Variants in SGK3 observed in about 807,000 individuals in gnomAD.
SGK3 encodes serine/threonine-protein kinase Sgk3.
In SGK3, 47 loss-of-function variants were observed where a neutral mutation model predicts 68.5. The observed-to-expected ratio is 0.69, with a 90% CI of 0.54 to 0.87. SGK3 has a LOEUF of 0.87. Ranked by LOEUF, SGK3 falls within the 40% of genes least tolerant of loss-of-function variation. The pLI is 0.00. For synonymous variants in SGK3, 181 were observed against 189.1 expected (o/e 0.96, Z 0.35); for missense variants, 479 against 575.5 (o/e 0.83, Z 1.72).
intron 14 of SGK3, 69 bp downstream of exon 14, chr8:66,843,616 C>T: frequency 6.7e-7 from 1 of 1,482,340 alleles, no homozygotes; most frequent in South Asian, 1.2e-5. Flanking sequence ...GTCTCTCCCA[C>T]CTTAAGAATC....
In SGK3 at chr8:66,857,789, GTGTGTGTGTA is replaced by G. The variant is rs1239713529; in HGVS notation, c.1321-1612_1321-1603del. Among the ~76,000 whole-genome samples, 562 of 110,516 alleles carry G rather than the reference GTGTGTGTGTA, an allele frequency of 5.1e-3. 1 individual carries two copies. Among genetic ancestry groups the G allele is most frequent in the African/African-American group, 0.012 (338 of 28,412 alleles). The allele number at this position is 110,516 out of a possible 152,430, so 72.5% of individuals were successfully genotyped here. A position where few individuals can be genotyped will look rare whatever the true frequency, so the allele number is the denominator to read the frequency against. On this transcript the variant is annotated intron_variant, in intron 16 of 16. Coordinates refer to ENST00000521198, the MANE Select transcript of SGK3 (RefSeq NM_001033578.3). ...CAGGATGAGACCCTGTCTCAAAAAA[GTGTGTGTGTA>G]TGTGTGTGTGTGTGTGTGTGTGTGT... is the stretch of plus-strand genomic sequence containing the variant.
chr8:66,803,218 C>A (rs781310200), intron 3 of SGK3, among the ~76,000 whole-genome samples: 5 of 152,100 alleles, frequency 3.3e-5, no homozygotes, highest in Non-Finnish European at 5.9e-5. Flanking sequence ...ACGTATTTTT[C>A]AGTCTGCATT....
chr8:66,813,566 A>C (rs1585754734), intron 4 of SGK3, among the ~76,000 whole-genome samples: 1 of 151,692 alleles, frequency 6.6e-6, no homozygotes, highest in East Asian at 1.9e-4. Flanking sequence ...TAATTAGTCT[A>C]TTTAGAGTCC....
At chr8:66,753,985 T>C (rs1191602738) in intron 1 of SGK3, among the ~76,000 whole-genome samples, 1 of 152,188 alleles carries the variant, frequency 6.6e-6, no homozygotes, top group Non-Finnish European at 1.5e-5. Context: ...TAAATGCCCT[T>C]ATGACCTCTG....
chr8:66,800,624 C>T (rs1585735730), intron 3 of SGK3, among the ~76,000 whole-genome samples: 2 of 152,078 alleles, frequency 1.3e-5, no homozygotes, highest in East Asian at 3.8e-4. Context: ...AGCTGTACCA[C>T]TTCCTGTGTT....
intron 1 of SGK3, among the ~76,000 whole-genome samples, chr8:66,786,417 A>G (rs191342285): frequency 2.0e-5 from 3 of 152,346 alleles, no homozygotes; most frequent in Non-Finnish European, 4.4e-5. Flanking sequence ...AGGAGCAACC[A>G]GATTGGCACA....
intron 1 of SGK3, among the ~76,000 whole-genome samples, chr8:66,720,987 G>T (rs16933034): frequency 0.14 from 20,739 of 151,860 alleles, 2,778 homozygotes; most frequent in African/African-American, 0.35. Flanking sequence ...CAGTTGAACT[G>T]GAGATGTTTT....
At chr8:66,849,258 T>C (rs1344757473) in intron 15 of SGK3, among the ~76,000 whole-genome samples, 3 of 152,164 alleles carry the variant, frequency 2.0e-5, no homozygotes, top group East Asian at 1.9e-4. Context: ...ACATCACCAC[T>C]TGGAGTTCCT....
Position 66,830,208 on chromosome 8 carries a change from G to T in SGK3, c.468-1046G>T, listed in dbSNP as rs143879454. On this transcript the variant is annotated intron_variant, in intron 7 of 16. Coordinates refer to ENST00000521198, the MANE Select transcript of SGK3 (RefSeq NM_001033578.3). ...GTTCATCTCCAGCAGTTAACAGTGA[G>T]GCTTGGAGTATGGCCTCAGCTCGCC... 5.6e-4 allele frequency among the ~76,000 whole-genome samples: 86 copies of T among 152,304 alleles called. 1 individual carries two copies. In the East Asian group the frequency reaches 0.016, roughly 28 times the overall value.
chr8:66,804,072 C>T (rs1808058434), intron 3 of SGK3, among the ~76,000 whole-genome samples: 1 of 152,134 alleles, frequency 6.6e-6, no homozygotes, highest in Non-Finnish European at 1.5e-5. Flanking sequence ...CTTTAAAACT[C>T]ACAGCAAATC....
At chr8:66,745,439 T>C (rs963001207) in intron 1 of SGK3, among the ~76,000 whole-genome samples, 5 of 151,964 alleles carry the variant, frequency 3.3e-5, no homozygotes, top group African/African-American at 1.2e-4. Flanking sequence ...CCAGGTGTGG[T>C]GGCGGGCGCC....
chr8:66,810,165 T>G (rs976403647), intron 4 of SGK3, among the ~76,000 whole-genome samples: 3 of 152,062 alleles, frequency 2.0e-5, no homozygotes, highest in African/African-American at 7.2e-5. Context: ...TTTCATGGCT[T>G]TACTGTTTTT....
At chr8:66,843,324 C>G in intron 13 of SGK3, 128 bp from the exon 14 acceptor site, 1 of 795,940 alleles carries the variant, frequency 1.3e-6, no homozygotes, top group Non-Finnish European at 2.0e-6. Context: ...ATCCAACCCA[C>G]TGGAAATCTA....
At chr8:66,853,206 C>T (rs536935821) in intron 16 of SGK3, among the ~76,000 whole-genome samples, 3 of 152,112 alleles carry the variant, frequency 2.0e-5, no homozygotes, top group Admixed American at 2.0e-4. Flanking sequence ...TTAGAAAACA[C>T]AAGTAGAACA....
intron 14 of SGK3, among the ~76,000 whole-genome samples, 179 bp from the exon 15 acceptor site, chr8:66,847,014 G>A (rs1810054610): frequency 6.6e-6 from 1 of 152,180 alleles, no homozygotes; most frequent in South Asian, 2.1e-4. Flanking sequence ...ATTAAGCTCT[G>A]TGATGTGTTC....
At chr8:66,736,167 G>A (rs1394798764) in intron 1 of SGK3, among the ~76,000 whole-genome samples, 2 of 152,148 alleles carry the variant, frequency 1.3e-5, no homozygotes, top group East Asian at 3.8e-4. Flanking sequence ...AATAGGCATA[G>A]TAATGTGACA....
Position 66,760,342 on chromosome 8 carries a change from T to C in SGK3, c.-121-33274T>C, listed in dbSNP as rs930582605. Among the ~76,000 whole-genome samples, 53 of 145,490 alleles carry C rather than the reference T, an allele frequency of 3.6e-4. 2 individuals are homozygous for C. The highest frequency in any genetic ancestry group is 1.3e-3 in the African/African-American group (52 of 39,822). On this transcript the variant is annotated intron_variant, in intron 1 of 16. Coordinates refer to ENST00000521198, the MANE Select transcript of SGK3 (RefSeq NM_001033578.3). ...CATTTTCTTTTTTCTTTTTTTTTTT[T>C]TTTTTTTTTTGAGACGGAGTCTTGC...
intron 1 of SGK3, among the ~76,000 whole-genome samples, chr8:66,734,534 TA>T (rs1563600743): frequency 6.6e-6 from 1 of 152,172 alleles, no homozygotes. Flanking sequence ...GTGGGTTTTC[TA>T]AAAAAATTTT....
At chr8:66,798,429 G>C (rs1307041181) in intron 2 of SGK3, 113 bp from the exon 3 acceptor site, 3 of 809,370 alleles carry the variant, frequency 3.7e-6, no homozygotes, top group Non-Finnish European at 5.7e-6. Context: ...TGGTGAAAGA[G>C]CCAGACTGTC....
Sources: gnomAD v4.1 joint callset for allele counts (sites outside exome capture counted in the v4.1 genomes callset) on GRCh38, gnomAD v4.1.1 for gene constraint, MANE v1.5 for transcripts, NCBI Gene and HGNC (gene_info 2026-07-23, HGNC 2026-07-21) for gene names.